KIAA1958: variants seen among roughly 807,000 people sequenced by gnomAD.
KIAA1958 encodes the protein KIAA1958, also known as uncharacterized protein KIAA1958.
Under a neutral mutation model 47.2 loss-of-function variants are expected in KIAA1958, and 14 were observed. The observed-to-expected ratio is 0.30, with a 90% CI of 0.20 to 0.46. The LOEUF is 0.46. KIAA1958 is among the 20% of genes least tolerant of loss of function. The pLI is 1.00. For synonymous variants in KIAA1958, 354 were observed against 353.3 expected, an observed-to-expected ratio of 1.00 and a Z score of -0.02; for missense variants, 803 against 909.2, an observed-to-expected ratio of 0.88 and a Z score of 1.50.
At chr9:112,517,039 G>A (rs62567851) in intron 1 of KIAA1958, among the ~76,000 whole-genome samples, 1,837 of 152,344 alleles carry the variant, frequency 0.012, 14 homozygotes, top group South Asian at 0.022. Context: ...ATAAGAGTGT[G>A]TTACAGTCTG....
chr9:112,667,468 C>A lies in KIAA1958; in HGVS notation c.*7399C>A, dbSNP rs981566757. The A allele has an allele frequency of 6.6e-6, 1 of 152,094 alleles. No individual in the cohort carries two copies. The highest frequency in any genetic ancestry group is 2.4e-5 in the African/African-American group (1 of 41,380). 9.4% of individuals were successfully genotyped at this position (152,094 alleles called of 1,614,324 possible). A position where few individuals can be genotyped will look rare whatever the true frequency, so the allele number is the denominator to read the frequency against. On this transcript the variant is annotated 3_prime_UTR_variant, in exon 4 of 4. Transcript: ENST00000337530. ...GCACATGCCTGTAATTCCAGCTACTCGGGAGGCTGAGGCGGGAGAATCGCT... is the reference window on the plus strand; with the variant it reads ...GCACATGCCTGTAATTCCAGCTACTAGGGAGGCTGAGGCGGGAGAATCGCT...
chr9:112,627,643 A>G (rs1190620340), intron 2 of KIAA1958, among the ~76,000 whole-genome samples: 2 of 152,214 alleles, frequency 1.3e-5, no homozygotes, highest in African/African-American at 4.8e-5. Context: ...AATCCCAGCT[A>G]CTTGGGAGGC....
chr9:112,589,502 G>A (rs977953023), intron 2 of KIAA1958, among the ~76,000 whole-genome samples: 8 of 152,228 alleles, frequency 5.3e-5, no homozygotes, highest in African/African-American at 1.9e-4. Flanking sequence ...TGAGGCAGGA[G>A]AATCACTTGA....
intron 1 of KIAA1958, among the ~76,000 whole-genome samples, chr9:112,512,843 GA>G (rs1834344949): frequency 6.6e-6 from 1 of 151,290 alleles, no homozygotes; most frequent in African/African-American, 2.4e-5. Flanking sequence ...TTTTTGTTTT[GA>G]TTTGTTTTTT....
At chr9:112,539,642 A>G (rs968787683) in intron 1 of KIAA1958, among the ~76,000 whole-genome samples, 1 of 152,128 alleles carries the variant, frequency 6.6e-6, no homozygotes, top group African/African-American at 2.4e-5. Context: ...CTATGAATTT[A>G]TAAAAAACCA....
At chr9:112,546,259 G>A (rs1019584570) in intron 1 of KIAA1958, among the ~76,000 whole-genome samples, 6 of 152,114 alleles carry the variant, frequency 3.9e-5, no homozygotes, top group Non-Finnish European at 7.4e-5. Context: ...ACCCCCACTA[G>A]CACTCTGACA....
chr9:112,645,814 A>ATCACC lies in KIAA1958; in HGVS notation c.1337_1341dup (p.Lys448SerfsTer7). ...CAACGGGCTCAAAGACCACACAGACATCACCAAGGTAAGGGACTCTTGAGT... is the reference window on the plus strand; with the variant it reads ...CAACGGGCTCAAAGACCACACAGACATCACCTCACCAAGGTAAGGGACTCTTGAGT... On this transcript the variant is annotated frameshift_variant, in exon 3 of 4. Coordinates refer to ENST00000337530, the MANE Select transcript of KIAA1958 (RefSeq NM_133465.4). LOFTEE classifies it high-confidence loss of function. 1 of 1,612,162 alleles carries ATCACC rather than the reference A, an allele frequency of 6.2e-7. No individual in the cohort carries two copies. Among genetic ancestry groups the ATCACC allele is most frequent in the Middle Eastern group, 1.7e-4 (1 of 6,048 alleles).
rs1442109793 is a variant in KIAA1958, at chr9:112,525,935, T to C, written c.-25+38817T>C. 6.7e-3 allele frequency among the ~76,000 whole-genome samples: 49 copies of C among 7,348 alleles called. 4 individuals are homozygous for C. The highest frequency in any genetic ancestry group is 0.036 in the African/African-American group (34 of 942). The allele number at this position is 7,348 out of a possible 152,430, so 4.8% of individuals were successfully genotyped here. A position where few individuals can be genotyped will look rare whatever the true frequency, so the allele number is the denominator to read the frequency against. On this transcript the variant is annotated intron_variant, in intron 1 of 3. Transcript: ENST00000337530. ...TTATATTCTTTCTTCTTCTTCTTCT[T>C]CTTCTTCTTCTTCTTCTTCTTCTTC...
intron 2 of KIAA1958, among the ~76,000 whole-genome samples, chr9:112,604,193 C>G (rs1836185362): frequency 6.6e-6 from 1 of 152,050 alleles, no homozygotes; most frequent in Admixed American, 6.6e-5. Flanking sequence ...TTTTCCATGC[C>G]ATCTTCTAAC....
At chr9:112,584,373 T>C (rs920467605) in intron 2 of KIAA1958, among the ~76,000 whole-genome samples, 1 of 152,244 alleles carries the variant, frequency 6.6e-6, no homozygotes, top group Non-Finnish European at 1.5e-5. Flanking sequence ...CTTTTTTGGA[T>C]GTTTAAAAAT....
intron 2 of KIAA1958, among the ~76,000 whole-genome samples, chr9:112,585,655 CATGAG>C (rs1050456254): frequency 2.0e-5 from 3 of 152,266 alleles, no homozygotes; most frequent in Admixed American, 2.0e-4. Flanking sequence ...GTAATGCTCA[CATGAG>C]ATAACAGTGA....
At chr9:112,584,289 T>A (rs537848645) in intron 2 of KIAA1958, among the ~76,000 whole-genome samples, 1 of 152,228 alleles carries the variant, frequency 6.6e-6, no homozygotes, top group African/African-American at 2.4e-5. Context: ...AGGGTTGATA[T>A]ATATATAGAT....
At chr9:112,643,192 A>T (rs567084767) in intron 2 of KIAA1958, among the ~76,000 whole-genome samples, 2 of 152,320 alleles carry the variant, frequency 1.3e-5, no homozygotes, top group South Asian at 4.1e-4. Flanking sequence ...ATAGTACCTG[A>T]TTCTTTCACT....
intron 2 of KIAA1958, among the ~76,000 whole-genome samples, chr9:112,617,503 C>T (rs947436180): frequency 2.6e-5 from 4 of 152,168 alleles, no homozygotes; most frequent in Admixed American, 1.3e-4. Flanking sequence ...AGTTTGTCAG[C>T]GCTAATGGGG....
At chr9:112,534,362 C>G (rs1304230144) in intron 1 of KIAA1958, among the ~76,000 whole-genome samples, 1 of 152,050 alleles carries the variant, frequency 6.6e-6, no homozygotes. Context: ...TATTATTGCA[C>G]GTTTTAGTAT....
At chr9:112,647,604 C>A (rs1464160) in intron 3 of KIAA1958, among the ~76,000 whole-genome samples, 1 of 152,114 alleles carries the variant, frequency 6.6e-6, no homozygotes, top group Non-Finnish European at 1.5e-5. Flanking sequence ...TATAGAAATA[C>A]GCAACAATAT....
At chr9:112,535,056 A>G (rs1278716625) in intron 1 of KIAA1958, among the ~76,000 whole-genome samples, 1 of 152,212 alleles carries the variant, frequency 6.6e-6, no homozygotes, top group Non-Finnish European at 1.5e-5. Flanking sequence ...AGAAAGGATA[A>G]ATTAAACTAA....
chr9:112,550,738 C>T (rs1835126827), intron 1 of KIAA1958, among the ~76,000 whole-genome samples: 1 of 152,168 alleles, frequency 6.6e-6, no homozygotes, highest in Non-Finnish European at 1.5e-5. Flanking sequence ...GGGAAGCTCA[C>T]CCAACCCAGG....
chr9:112,637,832 T>G (rs191359588), intron 2 of KIAA1958, among the ~76,000 whole-genome samples: 1 of 152,204 alleles, frequency 6.6e-6, no homozygotes, highest in African/African-American at 2.4e-5. Context: ...TTTGTCCTTT[T>G]TTTCCAGTTT....
Sources: allele counts gnomAD v4.1 joint callset (sites outside exome capture counted in the v4.1 genomes callset), GRCh38; gene constraint gnomAD v4.1.1; transcripts MANE v1.5; gene names NCBI Gene and HGNC (gene_info 2026-07-23, HGNC 2026-07-21).